DPYD: variants seen among roughly 807,000 people sequenced by gnomAD.
DPYD encodes dihydropyrimidine dehydrogenase [NADP(+)].
DPYD carries 109 observed loss-of-function variants against 116.2 expected under a neutral mutation model. The observed-to-expected ratio is 0.94, with a 90% confidence interval of 0.80 to 1.10. The LOEUF (loss-of-function observed/expected upper bound fraction) is 1.10, where lower values mean the gene tolerates loss of function less well. DPYD is among the 50% of genes least tolerant of loss of function. The probability of loss-of-function intolerance (pLI) is 0.00; values close to 1 mark genes in which losing one functional copy is unlikely to be tolerated. For missense variants in DPYD, 1,302 were observed against 1,254.5 expected, an observed-to-expected ratio of 1.04 and a Z score of -0.57; for synonymous variants, 440 against 432.0, an observed-to-expected ratio of 1.02 and a Z score of -0.23.
intron 3 of DPYD, among the ~76,000 whole-genome samples, chr1:97,770,540 T>C (rs1437106147): frequency 6.6e-6 from 1 of 152,184 alleles, no homozygotes; most frequent in African/African-American, 2.4e-5. Flanking sequence ...TGTAAAGATA[T>C]TAATAACTGT....
chr1:97,429,861 A>T (rs1034037419), intron 14 of DPYD, among the ~76,000 whole-genome samples: 1 of 152,070 alleles, frequency 6.6e-6, no homozygotes, highest in African/African-American at 2.4e-5. Context: ...AGGAATAGGG[A>T]TGTGGAGAAG....
chr1:97,805,311 A>G (rs948192433), intron 3 of DPYD, among the ~76,000 whole-genome samples: 1 of 151,946 alleles, frequency 6.6e-6, no homozygotes, highest in African/African-American at 2.4e-5. Flanking sequence ...GCCAAAGAAT[A>G]GAACATGAAC....
chr1:97,610,157 T>C (rs967034334), intron 8 of DPYD, among the ~76,000 whole-genome samples: 5 of 152,022 alleles, frequency 3.3e-5, no homozygotes, highest in African/African-American at 1.2e-4. Context: ...ATTTGACAAA[T>C]TTAAACTATA....
chr1:97,490,695 T>C (rs1333309735), intron 13 of DPYD, among the ~76,000 whole-genome samples: 3 of 151,250 alleles, frequency 2.0e-5, no homozygotes, highest in Non-Finnish European at 4.4e-5. Context: ...TCAAGAAGCA[T>C]AACATGAGTG....
intron 7 of DPYD, among the ~76,000 whole-genome samples, chr1:97,687,967 G>A (rs1251650454): frequency 1.3e-5 from 2 of 152,126 alleles, no homozygotes; most frequent in African/African-American, 4.8e-5. Flanking sequence ...ACACACTGGG[G>A]CCAGTTGAGT....
chr1:97,234,829 GGACA>G lies in DPYD; in HGVS notation c.2442+19_2442+22del. On this transcript the variant is annotated intron_variant, in intron 19 of 22. Coordinates refer to ENST00000370192, the MANE Select transcript of DPYD (RefSeq NM_000110.4). ...TTTGTGAGATGGAGATTTTTAAAAG[GGACA>G]GACAAACACAATGACTACCTGGAGG... is the stretch of plus-strand genomic sequence containing the variant. 3.1e-6 allele frequency: 5 copies of G among 1,613,296 alleles called. No individual in the cohort carries two copies. Among genetic ancestry groups the G allele is most frequent in the African/African-American group, 1.3e-5 (1 of 74,966 alleles).
intron 20 of DPYD, among the ~76,000 whole-genome samples, chr1:97,107,195 G>A (rs1651229585): frequency 6.6e-6 from 1 of 151,900 alleles, no homozygotes; most frequent in Non-Finnish European, 1.5e-5. Flanking sequence ...CTCTTTGTTG[G>A]TCATCTTTCT....
chr1:97,225,765 T>G (rs1006927127), intron 19 of DPYD, among the ~76,000 whole-genome samples: 1 of 152,068 alleles, frequency 6.6e-6, no homozygotes, highest in Admixed American at 6.6e-5. Context: ...TGTCCTTTGA[T>G]GTCCTATTCA....
At position 97,847,665 on chromosome 1, in the gene DPYD, T is replaced by C. The variant is rs186678729; in HGVS notation, c.151-19469A>G. On this transcript the variant is annotated intron_variant, in intron 2 of 22. Transcript: ENST00000370192. ...AATTTAATATTAAGTACTTACAGAATTAAAATATAGTGTATGACATTAATC... is the reference window on the plus strand; with the variant it reads ...AATTTAATATTAAGTACTTACAGAACTAAAATATAGTGTATGACATTAATC... 1.8e-4 allele frequency among the ~76,000 whole-genome samples: 28 copies of C among 152,248 alleles called. 1 individual carries two copies. Among genetic ancestry groups the C allele is most frequent in the South Asian group, 1.4e-3 (7 of 4,832 alleles).
At position 97,117,978 on chromosome 1, in the gene DPYD, A is replaced by G. The variant is rs564146770; in HGVS notation, c.2623-19346T>C. Reference sequence around the variant, plus strand: ...AGATTTTCTGACCAAATAATTATATATAACACCTTTTCACTATTTAATTCT... The same window carrying G: ...AGATTTTCTGACCAAATAATTATATGTAACACCTTTTCACTATTTAATTCT... On this transcript the variant is annotated intron_variant, in intron 20 of 22. Coordinates refer to ENST00000370192, the MANE Select transcript of DPYD (RefSeq NM_000110.4). Among the ~76,000 whole-genome samples, 49 of 152,320 alleles carry G rather than the reference A, an allele frequency of 3.2e-4. 1 individual carries two copies. Among genetic ancestry groups the G allele is most frequent in the African/African-American group, 1.1e-3 (47 of 41,590 alleles).
At chr1:97,287,838 T>G (rs1032323240) in intron 18 of DPYD, among the ~76,000 whole-genome samples, 2 of 152,050 alleles carry the variant, frequency 1.3e-5, no homozygotes, top group African/African-American at 4.8e-5. Flanking sequence ...CTGTCACCCC[T>G]TTCTTTGACT....
intron 14 of DPYD, among the ~76,000 whole-genome samples, chr1:97,391,162 G>T (rs1392046177): frequency 6.7e-6 from 1 of 149,238 alleles, no homozygotes; most frequent in Non-Finnish European, 1.5e-5. Context: ...GCATTCACTA[G>T]ACATCATATT....
intron 20 of DPYD, among the ~76,000 whole-genome samples, chr1:97,108,920 C>T (rs1194904173): frequency 6.6e-6 from 1 of 152,072 alleles, no homozygotes; most frequent in Non-Finnish European, 1.5e-5. Context: ...GCATTTGGTA[C>T]ATATTAGAGT....
rs546112972 is a variant in DPYD at position 97,107,502 on chromosome 1, A to G, written c.2623-8870T>C. Among the ~76,000 whole-genome samples the G allele has an allele frequency of 2.0e-3, 300 of 152,192 alleles. 3 individuals carry two copies. Among genetic ancestry groups the G allele is most frequent in the Non-Finnish European group, 9.9e-4 (67 of 68,000 alleles). On this transcript the variant is annotated intron_variant, in intron 20 of 22. Transcript: ENST00000370192. Reference sequence around the variant, plus strand: ...AAAAATGGCTGAGAGGGGATTATAAATTTAACAAGGGAGAGGGAAGGAACT... The same window carrying G: ...AAAAATGGCTGAGAGGGGATTATAAGTTTAACAAGGGAGAGGGAAGGAACT...
chr1:97,450,931 GAAGA>G (rs1342938628), intron 13 of DPYD, among the ~76,000 whole-genome samples: 1 of 151,686 alleles, frequency 6.6e-6, no homozygotes, highest in Non-Finnish European at 1.5e-5. Flanking sequence ...CTGTATTAAC[GAAGA>G]AGAATAACAT....
chr1:97,195,688 A>G (rs1414807974), intron 19 of DPYD, among the ~76,000 whole-genome samples: 1 of 95,040 alleles, frequency 1.1e-5, no homozygotes, highest in Non-Finnish European at 2.0e-5. Context: ...ATATATATAT[A>G]TGCCTAGGAG....
intron 3 of DPYD, among the ~76,000 whole-genome samples, chr1:97,757,854 G>T (rs937782768): frequency 1.3e-5 from 2 of 152,042 alleles, no homozygotes; most frequent in African/African-American, 4.8e-5. Context: ...GGATGTAGAT[G>T]GTACAATCTC....
intron 6 of DPYD, among the ~76,000 whole-genome samples, chr1:97,693,648 A>T (rs558731135): frequency 1.7e-4 from 26 of 152,276 alleles, no homozygotes; most frequent in African/African-American, 6.3e-4. Flanking sequence ...ATGGACTAAA[A>T]CTGGGCACTG....
intron 2 of DPYD, among the ~76,000 whole-genome samples, chr1:97,882,232 C>T (rs1027219115): frequency 1.3e-4 from 20 of 151,850 alleles, no homozygotes; most frequent in Non-Finnish European, 2.8e-4. Flanking sequence ...ATTCAAAATC[C>T]ATGTCTGTAA....
Sources: gnomAD v4.1 joint callset for allele counts (sites outside exome capture counted in the v4.1 genomes callset) on GRCh38, gnomAD v4.1.1 for gene constraint, MANE v1.5 for transcripts, NCBI Gene and HGNC (gene_info 2026-07-23, HGNC 2026-07-21) for gene names.